Variants in ASCC3 observed in about 807,000 individuals in gnomAD.
ASCC3 encodes the protein activating signal cointegrator 1 complex subunit 3, also known as ASC-1 complex subunit P200.
ASCC3 carries 158 observed loss-of-function variants against 256.3 expected under a neutral mutation model. The observed-to-expected ratio is 0.62, with a 90% confidence interval of 0.54 to 0.70. The LOEUF is 0.70. ASCC3 is among the 30% of genes least tolerant of loss of function. ASCC3 has a pLI of 0.00. For synonymous variants in ASCC3, 948 were observed against 883.4 expected (o/e 1.07, Z -1.30); for missense variants, 2,259 against 2,626.0 (o/e 0.86, Z 3.05).
chr6:100,843,623 T>C (rs1047192207), intron 4 of ASCC3, among the ~76,000 whole-genome samples: 7 of 152,176 alleles, frequency 4.6e-5, no homozygotes. Context: ...CCACTTTACA[T>C]ATTTCTCAAG....
intron 5 of ASCC3, among the ~76,000 whole-genome samples, chr6:100,802,951 T>A (rs771600431): frequency 6.6e-6 from 1 of 152,054 alleles, no homozygotes; most frequent in Non-Finnish European, 1.5e-5. Flanking sequence ...GAGGCTGCAG[T>A]GATCCCTGAT....
At chr6:100,840,294 G>T (rs1416138238) in intron 4 of ASCC3, among the ~76,000 whole-genome samples, 1 of 152,060 alleles carries the variant, frequency 6.6e-6, no homozygotes, top group African/African-American at 2.4e-5. Context: ...CATTCAAAAA[G>T]TTTATATACA....
Position 100,715,525 on chromosome 6 carries a change from C to T in ASCC3, c.2088G>A (p.Gln696=). The T allele has an allele frequency of 6.2e-7, 1 of 1,609,452 alleles. No individual in the cohort carries two copies. ...LGIKCANKMQ[Q]LNNMDEVCYE... ...AACATACTTCATCCATGTTATTCAA[C>T]TGCTGCATCTTGAAGATTTTAAAAC... The change falls in exon 13 of 42, where the codon CAG becomes CAA. Residue 696 remains glutamine, a synonymous_variant. Transcript: ENST00000369162.
In ASCC3 at chr6:100,717,430, GGAT is replaced by G. The variant is rs746758202; in HGVS notation, c.2079+642_2079+644del. On this transcript the variant is annotated intron_variant, in intron 12 of 41. Transcript: ENST00000369162. The stretch of plus-strand genomic sequence containing the variant: ...CACAAAAAATAGGTGTTGTTGAATA[GGAT>G]GATAATTGTTTAAATTTTAAGTAAT... Among the ~76,000 whole-genome samples, 159 of 151,936 alleles carry G rather than the reference GGAT, an allele frequency of 1.0e-3. 1 individual carries two copies. The highest frequency in any genetic ancestry group is 3.4e-3 in the Middle Eastern group (1 of 290).
At chr6:100,673,645 CAT>C (rs898890835) in intron 14 of ASCC3, among the ~76,000 whole-genome samples, 3 of 152,156 alleles carry the variant, frequency 2.0e-5, no homozygotes, top group African/African-American at 4.8e-5. Context: ...AAGTGAACCA[CAT>C]GTTAGACTAC....
At chr6:100,810,161 T>C (rs1306064443) in intron 4 of ASCC3, among the ~76,000 whole-genome samples, 1 of 152,094 alleles carries the variant, frequency 6.6e-6, no homozygotes, top group African/African-American at 2.4e-5. Context: ...TCCTTATCAT[T>C]GAATGACACC....
chr6:100,818,562 C>G (rs1186085689), intron 4 of ASCC3, among the ~76,000 whole-genome samples: 1 of 118,464 alleles, frequency 8.4e-6, no homozygotes, highest in Non-Finnish European at 1.8e-5. Flanking sequence ...GGGCAAGACT[C>G]CGTCTCAAAA....
chr6:100,550,967 G>A (rs1769266802), intron 36 of ASCC3, among the ~76,000 whole-genome samples: 2 of 152,004 alleles, frequency 1.3e-5, no homozygotes, highest in South Asian at 4.2e-4. Context: ...AATGCCTTAT[G>A]TAGTTAATCT....
chr6:100,641,072 GTTAA>G (rs1775100488), intron 24 of ASCC3, among the ~76,000 whole-genome samples: 1 of 152,058 alleles, frequency 6.6e-6, no homozygotes, highest in Non-Finnish European at 1.5e-5. Context: ...TATTATACTA[GTTAA>G]TTAACAGATT....
chr6:100,625,404 C>G, intron 29 of ASCC3, 70 bp from the exon 30 acceptor site: 1 of 1,529,254 alleles, frequency 6.5e-7, no homozygotes, highest in Non-Finnish European at 9.0e-7. Flanking sequence ...ATTAGGATAT[C>G]AAATGGATAC....
chr6:100,639,284 AT>A (rs1385427210), intron 24 of ASCC3, among the ~76,000 whole-genome samples: 1 of 152,218 alleles, frequency 6.6e-6, no homozygotes, highest in African/African-American at 2.4e-5. Context: ...AGTAAAATGA[AT>A]TTAGGGTAAT....
chr6:100,568,779 T>C lies in ASCC3; in HGVS notation c.5550+20855A>G, dbSNP rs920780731. 1.4e-4 allele frequency among the ~76,000 whole-genome samples: 21 copies of C among 147,632 alleles called. 1 individual carries two copies. The East Asian group carries it at 3.9e-3, about 28-fold the overall frequency. ...TTATTATTATTATTATTATTATTAT[T>C]ATTATTATTATTTTTTGAGACAGAG... On this transcript the variant is annotated intron_variant, in intron 36 of 41. Coordinates refer to ENST00000369162, the MANE Select transcript of ASCC3 (RefSeq NM_006828.4).
At chr6:100,847,231 A>G (rs1217942234) in intron 4 of ASCC3, among the ~76,000 whole-genome samples, 2 of 152,194 alleles carry the variant, frequency 1.3e-5, no homozygotes, top group African/African-American at 4.8e-5. Context: ...ACTACTATGT[A>G]TTCAATTATG....
chr6:100,620,580 A>AT lies in ASCC3; in HGVS notation c.4785+4611dup, dbSNP rs201410841. ...TTTATTCTCCATGCCCCCAGCCCAA[A>AT]TATCTATAGACAGTTCTTGACTTAA... On this transcript the variant is annotated intron_variant, in intron 30 of 41. Coordinates refer to ENST00000369162, the MANE Select transcript of ASCC3 (RefSeq NM_006828.4). Among the ~76,000 whole-genome samples the AT allele has an allele frequency of 3.9e-3, 589 of 152,216 alleles. 4 individuals carry two copies. Among genetic ancestry groups the AT allele is most frequent in the African/African-American group, 0.013 (560 of 41,532 alleles).
chr6:100,665,816 A>AT (rs1265789478), intron 14 of ASCC3, among the ~76,000 whole-genome samples: 1 of 151,922 alleles, frequency 6.6e-6, no homozygotes, highest in East Asian at 1.9e-4. Flanking sequence ...TCCTCATGTG[A>AT]TTTTAAAAAT....
intron 24 of ASCC3, among the ~76,000 whole-genome samples, chr6:100,639,436 T>G (rs538867863): frequency 2.6e-5 from 4 of 152,264 alleles, no homozygotes; most frequent in African/African-American, 9.6e-5. Context: ...AGAAACAAAA[T>G]AATTTAGAGA....
At chr6:100,739,147 G>A (rs1780312922) in intron 10 of ASCC3, among the ~76,000 whole-genome samples, 1 of 152,060 alleles carries the variant, frequency 6.6e-6, no homozygotes, top group African/African-American at 2.4e-5. Flanking sequence ...GATTATAATA[G>A]GAAGCAATGT....
At chr6:100,759,583 G>A (rs1374995553) in intron 10 of ASCC3, among the ~76,000 whole-genome samples, 1 of 151,846 alleles carries the variant, frequency 6.6e-6, no homozygotes, top group East Asian at 1.9e-4. Flanking sequence ...TTGAAGTCAG[G>A]TAGCATGATG....
At chr6:100,613,627 T>C (rs1773519235) in intron 30 of ASCC3, among the ~76,000 whole-genome samples, 1 of 152,200 alleles carries the variant, frequency 6.6e-6, no homozygotes, top group Admixed American at 6.5e-5. Context: ...TGAATAGTGC[T>C]GCAATAAATA....
Sources: allele counts gnomAD v4.1 joint callset (sites outside exome capture counted in the v4.1 genomes callset), GRCh38; gene constraint gnomAD v4.1.1; transcripts MANE v1.5; gene names NCBI Gene and HGNC (gene_info 2026-07-23, HGNC 2026-07-21).